Variants in DIS3L2 observed in about 807,000 individuals in gnomAD.
DIS3L2 encodes DIS3-like exonuclease 2.
A neutral mutation model predicts 97.5 loss-of-function variants in DIS3L2; 34 were observed. The ratio of observed to expected loss-of-function variants is 0.35; its 90% confidence interval spans 0.27 to 0.46. DIS3L2 has a LOEUF of 0.46. Among genes scored for constraint, DIS3L2 ranks in the 20% least tolerant of loss-of-function variants. The pLI, the probability that DIS3L2 is intolerant of heterozygous loss-of-function variation, is 1.00. For missense variants in DIS3L2, 1,038 were observed against 1,146.0 expected, an observed-to-expected ratio of 0.91 and a Z score of 1.36; for synonymous variants, 435 against 445.2, an observed-to-expected ratio of 0.98 and a Z score of 0.29.
chr2:232,145,293 G>A (rs1690187367), intron 8 of DIS3L2, among the ~76,000 whole-genome samples: 1 of 152,114 alleles, frequency 6.6e-6, no homozygotes, highest in Non-Finnish European at 1.5e-5. Context: ...AAGAATAGAT[G>A]TTTGAAGTTG....
chr2:232,052,746 C>T (rs529674766), intron 5 of DIS3L2, among the ~76,000 whole-genome samples: 23 of 151,854 alleles, frequency 1.5e-4, no homozygotes, highest in African/African-American at 5.6e-4. Context: ...TCTGGGAAGC[C>T]TTTCCTTCAT....
At chr2:232,097,668 G>C (rs1393709882) in intron 6 of DIS3L2, among the ~76,000 whole-genome samples, 1 of 152,146 alleles carries the variant, frequency 6.6e-6, no homozygotes, top group Non-Finnish European at 1.5e-5. Context: ...GCCCAGGGCA[G>C]GTCCAGAAGT....
At chr2:232,310,943 G>A (rs1695110917) in intron 14 of DIS3L2, among the ~76,000 whole-genome samples, 1 of 152,254 alleles carries the variant, frequency 6.6e-6, no homozygotes, top group South Asian at 2.1e-4. Context: ...ACAAGGAGGA[G>A]CTCTTTTTCA....
At chr2:232,134,877 A>G (rs1698315897) in intron 7 of DIS3L2, among the ~76,000 whole-genome samples, 2 of 152,116 alleles carry the variant, frequency 1.3e-5, no homozygotes, top group East Asian at 3.9e-4. Flanking sequence ...GTGCGCACAC[A>G]CACACACACA....
At chr2:232,227,252 T>C (rs1335798252) in intron 10 of DIS3L2, among the ~76,000 whole-genome samples, 1 of 152,226 alleles carries the variant, frequency 6.6e-6, no homozygotes, top group Non-Finnish European at 1.5e-5. Flanking sequence ...GCTTGTAGTC[T>C]ACAGGTGTTG....
At chr2:232,105,990 G>T (rs1199839416) in intron 6 of DIS3L2, among the ~76,000 whole-genome samples, 6 of 152,044 alleles carry the variant, frequency 3.9e-5, no homozygotes, top group Non-Finnish European at 1.5e-5. Context: ...TTTTCCTTGG[G>T]TTTACTGGTA....
At chr2:232,027,526 G>C (rs1694691916) in intron 4 of DIS3L2, among the ~76,000 whole-genome samples, 1 of 152,176 alleles carries the variant, frequency 6.6e-6, no homozygotes, top group African/African-American at 2.4e-5. Flanking sequence ...AGTTTTTAGA[G>C]AGACAAAAAT....
At chr2:232,032,878 G>C (rs758024846) in intron 5 of DIS3L2, among the ~76,000 whole-genome samples, 1 of 152,126 alleles carries the variant, frequency 6.6e-6, no homozygotes, top group Non-Finnish European at 1.5e-5. Flanking sequence ...GTAGCATGCT[G>C]TTTTTATTAC....
chr2:232,171,526 G>A (rs1690990947), intron 9 of DIS3L2, among the ~76,000 whole-genome samples: 2 of 152,102 alleles, frequency 1.3e-5, no homozygotes, highest in African/African-American at 4.8e-5. Flanking sequence ...CCCCACCATG[G>A]ACCACCCAGG....
intron 1 of DIS3L2, among the ~76,000 whole-genome samples, chr2:232,003,046 A>G (rs185797203): frequency 6.6e-6 from 1 of 152,338 alleles, no homozygotes. Context: ...AATTAAGCCT[A>G]GAACAGGAAG....
At position 232,300,572 on chromosome 2, in the gene DIS3L2, G is replaced by T. The variant is rs541216362; in HGVS notation, c.1739+453G>T. 1.8e-4 allele frequency among the ~76,000 whole-genome samples: 27 copies of T among 151,702 alleles called. No individual in the cohort carries two copies. In the South Asian group the frequency reaches 5.6e-3, roughly 32 times the overall value. On this transcript the variant is annotated intron_variant, in intron 14 of 20. Coordinates refer to ENST00000325385, the MANE Select transcript of DIS3L2 (RefSeq NM_152383.5). ...TGGGAGATTTCCGGGTACTTACAGAGATTTAAATTGGTGCCCTTGTTGGAA... is the reference window on the plus strand; with the variant it reads ...TGGGAGATTTCCGGGTACTTACAGATATTTAAATTGGTGCCCTTGTTGGAA...
chr2:232,342,705 T>G (rs1696138864), intron 13 of DIS3L2, among the ~76,000 whole-genome samples: 1 of 152,244 alleles, frequency 6.6e-6, no homozygotes, highest in South Asian at 2.1e-4. Flanking sequence ...GGTCTTCTAC[T>G]TAAAGCCTCA....
intron 14 of DIS3L2, among the ~76,000 whole-genome samples, chr2:232,327,336 C>T (rs764762842): frequency 1.3e-5 from 2 of 152,230 alleles, no homozygotes; most frequent in Non-Finnish European, 2.9e-5. Flanking sequence ...TACACTTGTC[C>T]CTCTTCCGGC....
intron 6 of DIS3L2, chr2:232,111,285 C>T (rs1179513826): frequency 2.1e-6 from 1 of 471,256 alleles, no homozygotes; most frequent in African/African-American, 2.0e-5. Context: ...ATACTTGTAC[C>T]TCTATTAGTA....
chr2:232,335,587 T>G, intron 19 of DIS3L2, 186 bp from the exon 20 acceptor site: 6 of 606,650 alleles, frequency 9.9e-6, no homozygotes, highest in Non-Finnish European at 1.4e-5. Flanking sequence ...TGGCCCTTGG[T>G]CACTCTCACC....
At chr2:232,334,258 T>A in intron 17 of DIS3L2, 111 bp from the exon 18 acceptor site, 1 of 1,374,142 alleles carries the variant, frequency 7.3e-7, no homozygotes, top group South Asian at 1.4e-5. Context: ...AGCTGGGTGC[T>A]TGGGGTCCTA....
chr2:232,111,415 G>C (rs958231128), intron 6 of DIS3L2, among the ~76,000 whole-genome samples: 72 of 152,136 alleles, frequency 4.7e-4, no homozygotes, highest in African/African-American at 1.7e-3. Context: ...CTGGATATCT[G>C]CTTGTTCCCC....
In DIS3L2 at chr2:232,238,761, A is replaced by G. The variant is rs536156156; in HGVS notation, c.1317+116A>G. The G allele has an allele frequency of 1.2e-4, 112 of 912,958 alleles. No homozygotes were observed. The South Asian group carries it at 1.8e-3, about 15-fold the overall frequency. The allele number at this position is 912,958 out of a possible 1,614,324, so 56.6% of individuals were successfully genotyped here. Reference sequence around the variant, plus strand: ...CCGGAAAGAGAAGCCAAAGGAAGACACAGGTGTTCATCTGAGGCCTCATCC... The same window carrying G: ...CCGGAAAGAGAAGCCAAAGGAAGACGCAGGTGTTCATCTGAGGCCTCATCC... On this transcript the variant is annotated intron_variant, in intron 11 of 20. Transcript: ENST00000325385.
intron 10 of DIS3L2, among the ~76,000 whole-genome samples, chr2:232,211,337 G>C (rs1206002346): frequency 6.6e-6 from 1 of 152,084 alleles, no homozygotes; most frequent in Non-Finnish European, 1.5e-5. Flanking sequence ...GTAGAGATGG[G>C]GTTTCACCAT....
Sources: allele counts gnomAD v4.1 joint callset (sites outside exome capture counted in the v4.1 genomes callset), GRCh38; gene constraint gnomAD v4.1.1; transcripts MANE v1.5; gene names NCBI Gene and HGNC (gene_info 2026-07-23, HGNC 2026-07-21).